The following HNF1B variants were observed in gnomAD, a reference collection of about 807,000 sequenced individuals.
The protein encoded by HNF1B is HNF1 homeobox B, also known as hepatocyte nuclear factor 1-beta.
In HNF1B, 8 loss-of-function variants were observed where a neutral mutation model predicts 61.7. The observed-to-expected ratio is 0.13, with a 90% CI of 0.08 to 0.23. The LOEUF is 0.23. HNF1B is among the 10% of genes least tolerant of loss of function. The pLI, the probability that HNF1B is intolerant of heterozygous loss-of-function variation, is 1.00. For missense variants in HNF1B, 562 were observed against 714.5 expected (o/e 0.79, Z 2.43); for synonymous variants, 314 against 287.7 (o/e 1.09, Z -0.93).
intron 4 of HNF1B, 195 bp downstream of exon 4, chr17:37,731,400 G>C (rs564447023): frequency 1.4e-6 from 1 of 691,264 alleles, no homozygotes; most frequent in East Asian, 2.7e-5. Context: ...CAGGGCAATG[G>C]CTGAACCAGG....
chr17:37,710,419 T>C, intron 5 of HNF1B, 84 bp downstream of exon 5: 2 of 1,536,340 alleles, frequency 1.3e-6, no homozygotes, highest in East Asian at 2.2e-5. Flanking sequence ...GGTTCATTGT[T>C]TGAGGCAGGC....
intron 6 of HNF1B, among the ~76,000 whole-genome samples, chr17:37,703,859 G>T (rs1159082705): frequency 6.6e-6 from 1 of 152,204 alleles, no homozygotes; most frequent in African/African-American, 2.4e-5. Flanking sequence ...CTCTTCAGAA[G>T]TGAGAATCCA....
intron 4 of HNF1B, among the ~76,000 whole-genome samples, chr17:37,711,192 A>C (rs888072059): frequency 2.0e-5 from 3 of 152,244 alleles, no homozygotes; most frequent in Non-Finnish European, 4.4e-5. Flanking sequence ...CTTAGGCATC[A>C]GTCTCTGTGT....
At position 37,702,980 on chromosome 17, in the gene HNF1B, T is replaced by A. The variant is rs1303684610; in HGVS notation, c.1340-1803A>T. On this transcript the variant is annotated intron_variant, in intron 6 of 8. Coordinates refer to ENST00000617811, the MANE Select transcript of HNF1B (RefSeq NM_000458.4). Reference sequence around the variant, plus strand: ...TATGCTATCCAGTCCAGGGAAGAGATGAGAAAGAGAATAGGATGAAGAGGT... The same window carrying A: ...TATGCTATCCAGTCCAGGGAAGAGAAGAGAAAGAGAATAGGATGAAGAGGT... Among the ~76,000 whole-genome samples, 3 of 152,172 alleles carry A rather than the reference T, an allele frequency of 2.0e-5. No homozygotes were observed. In the South Asian group the frequency reaches 6.2e-4, roughly 32 times the overall value.
intron 3 of HNF1B, among the ~76,000 whole-genome samples, chr17:37,732,502 G>C (rs2033717231): frequency 6.6e-6 from 1 of 152,196 alleles, no homozygotes; most frequent in African/African-American, 2.4e-5. Flanking sequence ...CTGCTTCCCA[G>C]CCTGACCTCC....
intron 4 of HNF1B, chr17:37,720,887 A>G (rs2033291598): frequency 1.0e-6 from 1 of 984,916 alleles, no homozygotes; most frequent in African/African-American, 1.7e-5. Flanking sequence ...CCCTGGCTGT[A>G]GGGTTGTAGA....
At chr17:37,732,838 T>C (rs2033727293) in intron 3 of HNF1B, among the ~76,000 whole-genome samples, 1 of 125,554 alleles carries the variant, frequency 8.0e-6, no homozygotes, top group East Asian at 2.1e-4. Flanking sequence ...GAGTTGTTTT[T>C]TTGTTTTTTT....
rs55634127 is a variant in HNF1B, at chr17:37,716,842, A to ATCTCTCTCTC, written c.1046-6189_1046-6180dup. 2.1e-3 allele frequency among the ~76,000 whole-genome samples: 282 copies of ATCTCTCTCTC among 131,258 alleles called. 2 individuals carry two copies. The highest frequency in any genetic ancestry group is 3.9e-3 in the Middle Eastern group (1 of 256). 86.1% of individuals were successfully genotyped at this position (131,258 alleles called of 152,430 possible). ...GCACCAGCCTCTAGACACTTTAACAATCTCTCTCTCTCTCTCTCTCTCTCT... is the reference window on the plus strand; with the variant it reads ...GCACCAGCCTCTAGACACTTTAACAATCTCTCTCTCTCTCTCTCTCTCTCTCTCTCTCTCT... On this transcript the variant is annotated intron_variant, in intron 4 of 8. Transcript: ENST00000617811.
intron 6 of HNF1B, among the ~76,000 whole-genome samples, chr17:37,703,379 C>T (rs1207409810): frequency 6.6e-6 from 1 of 151,314 alleles, no homozygotes; most frequent in East Asian, 1.9e-4. Context: ...TGGAAAGATG[C>T]AGACTAGCCC....
chr17:37,721,429 A>G (rs1245211824), intron 4 of HNF1B, among the ~76,000 whole-genome samples: 2 of 152,114 alleles, frequency 1.3e-5, no homozygotes, highest in Non-Finnish European at 2.9e-5. Context: ...GGGCCCCAAG[A>G]CTGGATGCCA....
At chr17:37,739,801 AGAG>A (rs1304962003) in intron 1 of HNF1B, among the ~76,000 whole-genome samples, 162 bp from the exon 2 acceptor site, 1 of 152,136 alleles carries the variant, frequency 6.6e-6, no homozygotes, top group Non-Finnish European at 1.5e-5. Context: ...GAAGCTAAAC[AGAG>A]GAGAAGGTGA....
At chr17:37,739,675 G>A (rs1240901476) in intron 1 of HNF1B, 36 bp from the exon 2 acceptor site, 2 of 1,525,220 alleles carry the variant, frequency 1.3e-6, no homozygotes. Context: ...GTACTAGTGG[G>A]AGACATCTGG....
chr17:37,722,166 G>A (rs2033338883), intron 4 of HNF1B, among the ~76,000 whole-genome samples: 1 of 152,114 alleles, frequency 6.6e-6, no homozygotes, highest in East Asian at 1.9e-4. Context: ...TGACAAGCAG[G>A]GTTCATGGAA....
At chr17:37,699,265 C>G in intron 7 of HNF1B, 71 bp from the exon 8 acceptor site, 1 of 1,119,060 alleles carries the variant, frequency 8.9e-7, no homozygotes, top group Middle Eastern at 2.0e-4. Context: ...AGCCCCCATC[C>G]CACACCATAG....
chr17:37,742,714 G>A (rs1216524567), intron 1 of HNF1B, among the ~76,000 whole-genome samples: 2 of 151,872 alleles, frequency 1.3e-5, no homozygotes, highest in South Asian at 2.1e-4. Flanking sequence ...GCGGGGCTGG[G>A]GTCTAAGGAC....
intron 5 of HNF1B, among the ~76,000 whole-genome samples, chr17:37,708,397 C>T (rs2032820995): frequency 6.6e-6 from 1 of 152,158 alleles, no homozygotes; most frequent in African/African-American, 2.4e-5. Flanking sequence ...AACACACTGC[C>T]CAGTTAAAGC....
rs1372835550 is a variant in HNF1B at position 37,744,929 on chromosome 17, C to G, written c.-45G>C. On this transcript the variant is annotated 5_prime_UTR_variant, in exon 1 of 9. Transcript: ENST00000617811. Reference sequence around the variant, plus strand: ...AAGGGGGTGAGGGGGTGGGTGGGTGCGAGAGAGGAGGGTGGAGGGGAGTTT... The same window carrying G: ...AAGGGGGTGAGGGGGTGGGTGGGTGGGAGAGAGGAGGGTGGAGGGGAGTTT... The G allele has an allele frequency of 1.4e-6, 2 of 1,395,622 alleles. No homozygotes were observed. Among genetic ancestry groups the G allele is most frequent in the East Asian group, 2.3e-5 (1 of 42,742 alleles). The allele number at this position is 1,395,622 out of a possible 1,614,324, so 86.5% of individuals were successfully genotyped here. A position where few individuals can be genotyped will look rare whatever the true frequency, so the allele number is the denominator to read the frequency against.
intron 4 of HNF1B, among the ~76,000 whole-genome samples, chr17:37,728,310 GTT>G (rs548097922): frequency 1.4e-5 from 2 of 139,356 alleles, no homozygotes. Flanking sequence ...CCCACAGAGC[GTT>G]TTTTTTTTTT....
At chr17:37,717,291 A>G (rs2033155682) in intron 4 of HNF1B, among the ~76,000 whole-genome samples, 1 of 152,048 alleles carries the variant, frequency 6.6e-6, no homozygotes, top group South Asian at 2.1e-4. Flanking sequence ...TGGCTGGTGG[A>G]CCTCTGCCAG....
Sources: allele counts gnomAD v4.1 joint callset (sites outside exome capture counted in the v4.1 genomes callset), GRCh38; gene constraint gnomAD v4.1.1; transcripts MANE v1.5; gene names NCBI Gene and HGNC (gene_info 2026-07-23, HGNC 2026-07-21).